Variants in PDS5B observed in about 807,000 individuals in gnomAD.
The protein encoded by PDS5B is sister chromatid cohesion protein PDS5 homolog B.
PDS5B carries 51 observed loss-of-function variants against 184.1 expected under a neutral mutation model. That is an observed-to-expected ratio of 0.28 (90% CI 0.22 to 0.35). The LOEUF is 0.35. Among genes scored for constraint, PDS5B ranks in the 10% least tolerant of loss-of-function variants. PDS5B has a pLI of 1.00. For missense variants in PDS5B, 1,180 were observed against 1,723.3 expected (o/e 0.68, Z 5.58); for synonymous variants, 566 against 569.2 (o/e 0.99, Z 0.08).
intron 2 of PDS5B, chr13:32,649,446 T>G (rs1034803996): frequency 1.6e-4 from 24 of 152,354 alleles, no homozygotes; most frequent in African/African-American, 5.5e-4. Flanking sequence ...ATTGTTAAAA[T>G]GGATAAAGAA....
chr13:32,768,859 TG>T (rs1249396148), intron 31 of PDS5B, among the ~76,000 whole-genome samples: 2 of 138,866 alleles, frequency 1.4e-5, no homozygotes, highest in Admixed American at 1.6e-4. Flanking sequence ...CCCAGCACTT[TG>T]GGAGGCCGAG....
At chr13:32,599,215 A>G (rs1372842258) in intron 1 of PDS5B, among the ~76,000 whole-genome samples, 1 of 152,022 alleles carries the variant, frequency 6.6e-6, no homozygotes, top group Non-Finnish European at 1.5e-5. Flanking sequence ...GTTATATTGA[A>G]TTTGTGAATT....
At chr13:32,667,164 T>TA (rs1398670725) in intron 6 of PDS5B, among the ~76,000 whole-genome samples, 1 of 152,218 alleles carries the variant, frequency 6.6e-6, no homozygotes, top group Non-Finnish European at 1.5e-5. Context: ...TTTTTATCTT[T>TA]ACTTCCTTGT....
At chr13:32,760,828 G>A in intron 30 of PDS5B, 108 bp downstream of exon 30, 11 of 1,048,304 alleles carry the variant, frequency 1.0e-5, no homozygotes, top group Non-Finnish European at 1.5e-5. Context: ...GGAAAGTAAT[G>A]TATTACTTAA....
intron 26 of PDS5B, among the ~76,000 whole-genome samples, chr13:32,756,611 A>G (rs1954189692): frequency 6.6e-6 from 1 of 152,228 alleles, no homozygotes; most frequent in East Asian, 1.9e-4. Context: ...TTCAGTTACA[A>G]TAAAAGATTA....
intron 1 of PDS5B, among the ~76,000 whole-genome samples, chr13:32,589,929 A>T (rs990561955): frequency 6.6e-6 from 1 of 152,138 alleles, no homozygotes; most frequent in African/African-American, 2.4e-5. Context: ...AGGTTTTAGA[A>T]TCCTTTCTCA....
chr13:32,623,884 T>C (rs2058336126), intron 1 of PDS5B, among the ~76,000 whole-genome samples: 1 of 152,136 alleles, frequency 6.6e-6, no homozygotes, highest in South Asian at 2.1e-4. Flanking sequence ...TGATCTTGGC[T>C]CACTGCAACC....
chr13:32,593,325 T>C (rs959699589), intron 1 of PDS5B, among the ~76,000 whole-genome samples: 3 of 152,220 alleles, frequency 2.0e-5, no homozygotes, highest in Non-Finnish European at 4.4e-5. Flanking sequence ...CTCTGAACTT[T>C]GGTAGTAATA....
intron 33 of PDS5B, among the ~76,000 whole-genome samples, chr13:32,772,489 A>G (rs1046234802): frequency 6.6e-6 from 1 of 152,228 alleles, no homozygotes; most frequent in African/African-American, 2.4e-5. Flanking sequence ...AACAGGTGGC[A>G]TGAACACTAT....
At chr13:32,713,937 C>G (rs564109972) in intron 19 of PDS5B, among the ~76,000 whole-genome samples, 39 of 152,202 alleles carry the variant, frequency 2.6e-4, no homozygotes, top group Admixed American at 1.1e-3. Flanking sequence ...TTCTATTTTT[C>G]CTAAGCGGCG....
chr13:32,773,281 T>C lies in PDS5B; in HGVS notation c.4265T>C (p.Ile1422Thr), dbSNP rs1435234749. Residue 1422 changes from isoleucine (I) to threonine (T), a missense_variant, in exon 34 of 35, where the codon ATT (isoleucine) becomes ACT (threonine). Coordinates refer to ENST00000315596, the MANE Select transcript of PDS5B (RefSeq NM_015032.4). ...VFQGSSPVDD[I>T]PQEETEEEEV... ...CAGGGTAGCTCTCCTGTCGATGATA[T>C]TCCACAGGAAGAAACAGAGGAGGAG... is the stretch of plus-strand genomic sequence containing the variant. 3.1e-6 allele frequency: 5 copies of C among 1,612,592 alleles called. No individual in the cohort carries two copies. The highest frequency in any genetic ancestry group is 4.2e-6 in the Non-Finnish European group (5 of 1,178,918).
rs1278355067 is a variant in PDS5B, at chr13:32,777,811, ATCT to A, written c.*2764_*2766del. Reference sequence around the variant, plus strand: ...TATTAAAGGTTAAATTGCTTTCTATATCTTCTTATAACTTGTAAGTCTGATTTT... The same window carrying A: ...TATTAAAGGTTAAATTGCTTTCTATATCTTATAACTTGTAAGTCTGATTTT... On this transcript the variant is annotated 3_prime_UTR_variant, in exon 35 of 35. Transcript: ENST00000315596. 1 of 152,378 alleles carries A rather than the reference ATCT, an allele frequency of 6.6e-6. No individual in the cohort carries two copies. The highest frequency in any genetic ancestry group is 1.5e-5 in the Non-Finnish European group (1 of 67,860). 9.4% of individuals were successfully genotyped at this position (152,378 alleles called of 1,614,324 possible).
chr13:32,716,590 C>A (rs956225756), intron 19 of PDS5B, among the ~76,000 whole-genome samples: 2 of 151,480 alleles, frequency 1.3e-5, no homozygotes, highest in Non-Finnish European at 3.0e-5. Context: ...CCCCGCCAGG[C>A]CAGCCGCCCC....
intron 6 of PDS5B, among the ~76,000 whole-genome samples, chr13:32,662,497 A>G (rs569284627): frequency 1.3e-5 from 2 of 152,234 alleles, no homozygotes; most frequent in East Asian, 3.9e-4. Context: ...TTTAACATGT[A>G]TTTTAGTGAT....
At chr13:32,681,937 G>T (rs1951259470) in intron 10 of PDS5B, among the ~76,000 whole-genome samples, 1 of 152,108 alleles carries the variant, frequency 6.6e-6, no homozygotes, top group African/African-American at 2.4e-5. Flanking sequence ...ATATACAGGA[G>T]AAACAAAAGG....
intron 19 of PDS5B, among the ~76,000 whole-genome samples, chr13:32,720,907 C>T (rs2140923534): frequency 6.6e-6 from 1 of 152,192 alleles, no homozygotes; most frequent in South Asian, 2.1e-4. Flanking sequence ...CGCCCTTAAT[C>T]CATTTAACCC....
At chr13:32,692,745 T>G (rs1233545797) in intron 13 of PDS5B, among the ~76,000 whole-genome samples, 1 of 152,056 alleles carries the variant, frequency 6.6e-6, no homozygotes, top group Non-Finnish European at 1.5e-5. Flanking sequence ...CTGCTTTTCC[T>G]AGTATAACTT....
At chr13:32,736,886 C>T (rs1020922151) in intron 21 of PDS5B, among the ~76,000 whole-genome samples, 10 of 152,062 alleles carry the variant, frequency 6.6e-5, no homozygotes, top group African/African-American at 2.2e-4. Context: ...TTTGTCTAGT[C>T]GTACCTAAAG....
At chr13:32,640,066 T>C (rs1222360356) in intron 1 of PDS5B, among the ~76,000 whole-genome samples, 5 of 152,130 alleles carry the variant, frequency 3.3e-5, no homozygotes, top group Admixed American at 6.5e-5. Context: ...ATCTTACATA[T>C]TTTTTACTAC....
Sources: allele counts gnomAD v4.1 joint callset (sites outside exome capture counted in the v4.1 genomes callset), GRCh38; gene constraint gnomAD v4.1.1; transcripts MANE v1.5; gene names NCBI Gene and HGNC (gene_info 2026-07-23, HGNC 2026-07-21).